The following RELN variants were observed in gnomAD, a reference collection of about 807,000 sequenced individuals.
RELN encodes the protein reelin.
In RELN, 108 loss-of-function variants were observed where a neutral mutation model predicts 427.6. The ratio of observed to expected loss-of-function variants is 0.25; its 90% CI spans 0.22 to 0.30. The LOEUF is 0.30. Ranked by LOEUF, RELN falls within the 10% of genes least tolerant of loss-of-function variation. The probability of loss-of-function intolerance (pLI) is 1.00; values close to 1 mark genes in which losing one functional copy is unlikely to be tolerated. For synonymous variants in RELN, 1,524 were observed against 1,513.4 expected (o/e 1.01, Z -0.16); for missense variants, 3,715 against 4,302.8 (o/e 0.86, Z 3.82).
chr7:103,787,223 T>C (rs115803032), intron 3 of RELN, among the ~76,000 whole-genome samples: 3,052 of 152,042 alleles, frequency 0.02, 101 homozygotes, highest in African/African-American at 0.067. Flanking sequence ...ATTCATAGCA[T>C]CAAATGCCCA....
intron 22 of RELN, among the ~76,000 whole-genome samples, chr7:103,607,510 A>G (rs1350447953): frequency 6.6e-6 from 1 of 152,226 alleles, no homozygotes; most frequent in Non-Finnish European, 1.5e-5. Flanking sequence ...AATCTTAGGA[A>G]GAAAATCTTG....
chr7:103,651,739 T>A lies in RELN; in HGVS notation c.1814A>T (p.His605Leu), dbSNP rs772714603. Residue 605 changes from histidine (H) to leucine (L), a missense_variant, in exon 15 of 65, where the codon CAC (histidine) becomes CTC (leucine). His to Leu is a moderately conservative substitution (Grantham distance 99). Coordinates refer to ENST00000428762, the MANE Select transcript of RELN (RefSeq NM_005045.4). Reference protein sequence around the residue: ...TNHGRSWSLLHTECLPEICAG... With the variant: ...TNHGRSWSLLLTECLPEICAG... ...ACAGATCTCAGGTAAGCATTCAGTGTGAAGGAGGGACCAGGAGCGCCCATG... is the reference window on the plus strand; with the variant it reads ...ACAGATCTCAGGTAAGCATTCAGTGAGAAGGAGGGACCAGGAGCGCCCATG... 2 of 1,611,764 alleles carry A rather than the reference T, an allele frequency of 1.2e-6. No homozygotes were observed. Among genetic ancestry groups the A allele is most frequent in the East Asian group, 4.5e-5 (2 of 44,756 alleles).
At chr7:103,600,739 G>C (rs1369869752) in intron 24 of RELN, among the ~76,000 whole-genome samples, 1 of 152,134 alleles carries the variant, frequency 6.6e-6, no homozygotes, top group Non-Finnish European at 1.5e-5. Context: ...AAAAATTTAG[G>C]GGGAAAGCTG....
intron 6 of RELN, among the ~76,000 whole-genome samples, chr7:103,732,527 A>G (rs192352445): frequency 6.6e-6 from 1 of 152,266 alleles, no homozygotes; most frequent in East Asian, 1.9e-4. Flanking sequence ...TTCATGATGA[A>G]CACAATGATC....
chr7:103,576,530 CAATT>C (rs1831006495), intron 28 of RELN, among the ~76,000 whole-genome samples: 1 of 152,172 alleles, frequency 6.6e-6, no homozygotes, highest in African/African-American at 2.4e-5. Flanking sequence ...TTATTTTACT[CAATT>C]AATATTTCAC....
At chr7:103,791,569 T>C (rs1369852811) in intron 3 of RELN, among the ~76,000 whole-genome samples, 1 of 150,164 alleles carries the variant, frequency 6.7e-6, no homozygotes, top group Admixed American at 6.6e-5. Context: ...TCACACCATA[T>C]ACAAAAATTA....
rs561185030 is a variant in RELN, at chr7:103,628,060, A to G, written c.2702+1880T>C. On this transcript the variant is annotated intron_variant, in intron 20 of 64. Transcript: ENST00000428762. The stretch of plus-strand genomic sequence containing the variant: ...CTTTGTTATATTAGAAGTGTTAGGA[A>G]AAAACTCTTCTATACAAACTTGAAG... The G allele has an allele frequency of 2.0e-5, 3 of 152,358 alleles. No homozygotes were observed. In the East Asian group the frequency reaches 5.8e-4, roughly 29 times the overall value. The allele number at this position is 152,358 out of a possible 1,614,324, so 9.4% of individuals were successfully genotyped here. A position where few individuals can be genotyped will look rare whatever the true frequency, so the allele number is the denominator to read the frequency against.
Position 103,728,166 on chromosome 7 carries a change from G to A in RELN, c.698C>T (p.Ala233Val), listed in dbSNP as rs371936391. 24 of 1,613,630 alleles carry A rather than the reference G, an allele frequency of 1.5e-5. No homozygotes were observed. Among genetic ancestry groups the A allele is most frequent in the African/African-American group, 6.7e-5 (5 of 74,872 alleles). The stretch of plus-strand genomic sequence containing the variant: ...GGTGACGGCATTGCCATGCATAATC[G>A]CGCCACACTGTTCTCCAGTCTCACA... ...NNCETGEQCGAIMHGNAVTFC... is the reference protein window; with the variant it reads ...NNCETGEQCGVIMHGNAVTFC... The change falls in exon 7 of 65, where the codon GCG (alanine) becomes GTG (valine). Residue 233 changes from alanine to valine, a missense_variant. Ala to Val is a moderately conservative substitution (Grantham distance 64, BLOSUM62 0). Transcript: ENST00000428762.
intron 60 of RELN, among the ~76,000 whole-genome samples, chr7:103,489,207 T>TGTGTGTGTGTGTGTGA (rs1171589305): frequency 2.8e-5 from 4 of 142,794 alleles, no homozygotes; most frequent in African/African-American, 1.1e-4. Context: ...TAAAGGGGTG[T>TGTGTGTGTGTGTGTGA]GTGTGTGTGT....
chr7:103,755,532 C>A (rs1448705111), intron 4 of RELN, among the ~76,000 whole-genome samples: 1 of 144,122 alleles, frequency 6.9e-6, no homozygotes. Flanking sequence ...GGCGTGAACC[C>A]AGGAGGCGGA....
chr7:103,728,255 C>A (rs373596187), intron 6 of RELN, 48 bp from the exon 7 acceptor site: 1 of 1,540,368 alleles, frequency 6.5e-7, no homozygotes, highest in Non-Finnish European at 9.0e-7. Flanking sequence ...AAGTAGCACA[C>A]GTGGTTTACT....
At position 103,539,080 on chromosome 7, in the gene RELN, T is replaced by C; in HGVS notation, c.7178A>G (p.Tyr2393Cys). Residue 2393 changes from tyrosine to cysteine, a missense_variant and splice_region_variant, in exon 45 of 65, where the codon TAT (tyrosine) becomes TGT (cysteine). Tyr to Cys is a radical substitution (Grantham distance 194, BLOSUM62 -2). This residue lies in a region of RELN where 1,310 missense variants were observed against 1,643.0 expected (regional missense o/e 0.80). Coordinates refer to ENST00000428762, the MANE Select transcript of RELN (RefSeq NM_005045.4). ...CTATCTGGAGACGGCATACTCACCA[T>C]AACAAGAGTCTGTGACTGAGCAGGA... The part of the protein sequence containing the change: ...AASCSVTDSC[Y>C]AIELEYSVDL... The C allele has an allele frequency of 6.2e-7, 1 of 1,614,070 alleles. No individual in the cohort carries two copies. Among genetic ancestry groups the C allele is most frequent in the Non-Finnish European group, 8.5e-7 (1 of 1,180,002 alleles).
intron 6 of RELN, among the ~76,000 whole-genome samples, chr7:103,729,472 G>A (rs113933758): frequency 9.2e-5 from 14 of 152,146 alleles, no homozygotes; most frequent in African/African-American, 2.4e-4. Context: ...CTTTTGAGCC[G>A]TGTTTCCACA....
chr7:103,537,078 T>G (rs1474074487), intron 45 of RELN, among the ~76,000 whole-genome samples: 1 of 152,224 alleles, frequency 6.6e-6, no homozygotes, highest in Non-Finnish European at 1.5e-5. Context: ...ACACTGGTTT[T>G]CTGGGTCCAA....
chr7:103,604,610 T>G, intron 22 of RELN, 127 bp from the exon 23 acceptor site: 1 of 874,550 alleles, frequency 1.1e-6, no homozygotes, highest in Admixed American at 2.0e-5. Flanking sequence ...CTGGCATCAT[T>G]TTTCTTTAAT....
At chr7:103,936,117 G>C (rs1197640476) in intron 1 of RELN, among the ~76,000 whole-genome samples, 1 of 127,274 alleles carries the variant, frequency 7.9e-6, no homozygotes, top group African/African-American at 2.8e-5. Context: ...TTTTGAGACA[G>C]AGTCTCACTC....
chr7:103,515,332 C>T lies in RELN; in HGVS notation c.7972G>A (p.Val2658Ile), dbSNP rs368934789. Residue 2658 changes from valine (V) to isoleucine (I), a missense_variant, in exon 50 of 65, where the codon GTC (valine) becomes ATC (isoleucine). Physicochemically the swap from Val to Ile is conservative, Grantham distance 29. Around this residue, in one of 4 missense-constraint regions of RELN, gnomAD observed 1,310 missense variants for 1,643.0 expected, o/e 0.80. Transcript: ENST00000428762. ...TGGTCAGCAGAGCCTGAGATGAGGA[C>T]ATTGTCAATGGCCCAGTCGTTCTGA... ...LDQNDWAIDN[V>I]LISGSADQRT... 3 of 1,614,094 alleles carry T rather than the reference C, an allele frequency of 1.9e-6. No individual in the cohort carries two copies. The highest frequency in any genetic ancestry group is 2.2e-5 in the East Asian group (1 of 44,870).
At chr7:103,677,765 CAAAAAAAAAAAA>C (rs60678229) in intron 11 of RELN, among the ~76,000 whole-genome samples, 4 of 56,034 alleles carry the variant, frequency 7.1e-5, no homozygotes, top group Non-Finnish European at 1.3e-4. Flanking sequence ...GAATCTGTCT[CAAAAAAAAAAAA>C]AAAAAAAAAA....
chr7:103,526,757 A>G (rs1276722171), intron 46 of RELN, among the ~76,000 whole-genome samples: 2 of 152,094 alleles, frequency 1.3e-5, no homozygotes, highest in Non-Finnish European at 2.9e-5. Context: ...GGAAGATGCT[A>G]CTTTCCGCCT....
Sources: allele counts gnomAD v4.1 joint callset (sites outside exome capture counted in the v4.1 genomes callset), GRCh38; gene constraint gnomAD v4.1.1; regional missense constraint gnomAD v4.1.1; transcripts MANE v1.5; gene names NCBI Gene and HGNC (gene_info 2026-07-23, HGNC 2026-07-21).